Variants in DTWD2 observed in about 807,000 individuals in gnomAD.
DTWD2 encodes DTW motif tRNA-uridine aminocarboxypropyltransferase 2, also known as tRNA-uridine aminocarboxypropyltransferase 2.
DTWD2 carries 39 observed loss-of-function variants against 31.8 expected under a neutral mutation model. The ratio of observed to expected loss-of-function variants is 1.22; its 90% CI spans 0.95 to 1.60. The LOEUF (loss-of-function observed/expected upper bound fraction) is 1.60. DTWD2 is among the 40% of genes most tolerant of loss of function. The pLI is 0.00. For missense variants in DTWD2, 515 were observed against 381.5 expected (o/e 1.35, Z -2.92); for synonymous variants, 180 against 142.8 (o/e 1.26, Z -1.86).
rs185392445 is a variant in DTWD2, at chr5:118,920,312, G to C, written c.597+8225C>G. Among the ~76,000 whole-genome samples the C allele has an allele frequency of 8.6e-5, 13 of 151,906 alleles. No individual in the cohort carries two copies. In the East Asian group the frequency reaches 2.5e-3, roughly 29 times the overall value. On this transcript the variant is annotated intron_variant, in intron 4 of 5. Transcript: ENST00000510708. ...ATCCTGTTTCTTTTTTTAAAAAAGA[G>C]ATAAAGAATACTATATCTGTGATAT...
At chr5:118,965,020 G>C (rs1193440246) in intron 1 of DTWD2, among the ~76,000 whole-genome samples, 1 of 146,062 alleles carries the variant, frequency 6.8e-6, no homozygotes, top group Non-Finnish European at 1.5e-5. Flanking sequence ...GCCGCCCATC[G>C]TCTGAGATGT....
rs141779144 is a variant in DTWD2, at chr5:118,906,286, G to T, written c.597+22251C>A. Among the ~76,000 whole-genome samples the T allele has an allele frequency of 8.9e-3, 1,361 of 152,236 alleles. 12 individuals are homozygous for T. Among genetic ancestry groups the T allele is most frequent in the South Asian group, 0.026 (126 of 4,822 alleles). ...AATACTACAGCCATTTTGGAAAACA[G>T]TTTGGTTTGTTAAAGTTTAAAATGC... is the stretch of plus-strand genomic sequence containing the variant. On this transcript the variant is annotated intron_variant, in intron 4 of 5. Coordinates refer to ENST00000510708, the MANE Select transcript of DTWD2 (RefSeq NM_173666.4).
At chr5:118,952,988 T>C (rs1322546152) in intron 1 of DTWD2, among the ~76,000 whole-genome samples, 1 of 152,228 alleles carries the variant, frequency 6.6e-6, no homozygotes, top group Non-Finnish European at 1.5e-5. Flanking sequence ...CTCTCACTTC[T>C]AGATGATGAA....
At chr5:118,896,339 A>G (rs1265737658) in intron 4 of DTWD2, among the ~76,000 whole-genome samples, 1 of 152,204 alleles carries the variant, frequency 6.6e-6, no homozygotes, top group Non-Finnish European at 1.5e-5. Flanking sequence ...CTGGAGAATA[A>G]AAATTATAGT....
At chr5:118,883,796 A>G (rs532321771) in intron 4 of DTWD2, among the ~76,000 whole-genome samples, 1 of 152,318 alleles carries the variant, frequency 6.6e-6, no homozygotes, top group Admixed American at 6.5e-5. Flanking sequence ...TGGAGATGAG[A>G]TTTGGGTGGA....
chr5:118,943,954 G>C (rs1282858469), intron 2 of DTWD2, among the ~76,000 whole-genome samples: 3 of 152,166 alleles, frequency 2.0e-5, no homozygotes, highest in African/African-American at 7.2e-5. Flanking sequence ...AGTATGCATT[G>C]AGTAGCTTTG....
At chr5:118,938,050 C>A (rs1754084445) in intron 3 of DTWD2, among the ~76,000 whole-genome samples, 1 of 152,114 alleles carries the variant, frequency 6.6e-6, no homozygotes, top group Non-Finnish European at 1.5e-5. Flanking sequence ...ATAAATATAA[C>A]TTTTATCTAT....
intron 4 of DTWD2, among the ~76,000 whole-genome samples, chr5:118,889,522 G>A (rs920949981): frequency 9.9e-5 from 15 of 151,886 alleles, no homozygotes; most frequent in Admixed American, 2.0e-4. Context: ...TATCTAACAC[G>A]GGGGGATATG....
chr5:118,966,886 C>A (rs961434354), intron 1 of DTWD2, among the ~76,000 whole-genome samples: 12 of 151,912 alleles, frequency 7.9e-5, no homozygotes, highest in Non-Finnish European at 1.5e-4. Flanking sequence ...AAAAATTAGC[C>A]AGGCACGGTG....
intron 1 of DTWD2, among the ~76,000 whole-genome samples, chr5:118,945,846 T>C (rs58306431): frequency 0.062 from 9,288 of 149,946 alleles, 989 homozygotes; most frequent in African/African-American, 0.21. Flanking sequence ...GATATGGGAG[T>C]AAATTTTTCA....
intron 4 of DTWD2, among the ~76,000 whole-genome samples, chr5:118,904,887 C>A (rs1753293359): frequency 6.6e-6 from 1 of 152,036 alleles, no homozygotes; most frequent in Non-Finnish European, 1.5e-5. Flanking sequence ...TAAACTGAGC[C>A]AAGGAGCTAC....
chr5:118,876,742 T>C (rs1311651900), intron 4 of DTWD2, among the ~76,000 whole-genome samples: 2 of 152,064 alleles, frequency 1.3e-5, no homozygotes, highest in South Asian at 2.1e-4. Flanking sequence ...ATAAATAGCC[T>C]ACCAACCAAA....
Position 118,928,593 on chromosome 5 carries a change from AT to A in DTWD2, c.540del (p.Trp181GlyfsTer22). Reference sequence around the variant, plus strand: ...TAGAAAATGTCCTTAGCCTGGCTCCATGTACCATCAATGATGATGATTGTAG... The same window carrying A: ...TAGAAAATGTCCTTAGCCTGGCTCCAGTACCATCAATGATGATGATTGTAG... ...YPSTIIIIDGTWSQAKDIFYK... is the reference protein window; with the variant it reads ...YPSTIIIIDGXWSQAKDIFYK... On this transcript the variant is annotated frameshift_variant, in exon 4 of 6. Transcript: ENST00000510708. LOFTEE classifies it high-confidence loss of function. 1.3e-6 allele frequency: 2 copies of A among 1,590,812 alleles called. No individual in the cohort carries two copies. The highest frequency in any genetic ancestry group is 1.7e-6 in the Non-Finnish European group (2 of 1,168,734).
chr5:118,905,420 G>C (rs1352871619), intron 4 of DTWD2, among the ~76,000 whole-genome samples: 1 of 152,084 alleles, frequency 6.6e-6, no homozygotes, highest in Non-Finnish European at 1.5e-5. Context: ...AAGAGGGCCT[G>C]TCCTGATAAG....
At chr5:118,968,165 T>C (rs1282484378) in intron 1 of DTWD2, among the ~76,000 whole-genome samples, 1 of 150,068 alleles carries the variant, frequency 6.7e-6, no homozygotes, top group Non-Finnish European at 1.5e-5. Flanking sequence ...ACAAAATAAC[T>C]GACCAGTATT....
At chr5:118,924,118 G>C (rs1035938764) in intron 4 of DTWD2, among the ~76,000 whole-genome samples, 2 of 152,182 alleles carry the variant, frequency 1.3e-5, no homozygotes, top group Non-Finnish European at 2.9e-5. Context: ...GCAGAGGGCA[G>C]ACCAACAGAC....
rs759262703 is a variant in DTWD2 at position 118,928,698 on chromosome 5, A to C, written c.436T>G (p.Ser146Ala). Residue 146 changes from serine (S) to alanine (A), a missense_variant, in exon 4 of 6, where the codon TCT becomes GCT. Ser to Ala is a moderately conservative substitution (Grantham distance 99, BLOSUM62 1). Transcript: ENST00000510708. ...CCTGGATATAATATTAATGTACCAG[A>C]CTTCCGGCAAACAGTTGAAAGTTCA... ...DPELSTVCRK[S>A]GTLILYPGAE... The C allele has an allele frequency of 6.3e-7, 1 of 1,577,608 alleles. No individual in the cohort carries two copies. The highest frequency in any genetic ancestry group is 1.8e-5 in the Admixed American group (1 of 55,718).
At chr5:118,976,231 G>C (rs1406451203) in intron 1 of DTWD2, among the ~76,000 whole-genome samples, 1 of 152,196 alleles carries the variant, frequency 6.6e-6, no homozygotes, top group African/African-American at 2.4e-5. Context: ...GCCCACAGGA[G>C]AAAGTGGGAA....
chr5:118,939,752 A>T lies in DTWD2; in HGVS notation c.310-462T>A, dbSNP rs551431103. ...CATAGCCTCTTTACTTAAATTAAAA[A>T]TTTTTTTAAAAAAGAAAACAAAACA... On this transcript the variant is annotated intron_variant, in intron 2 of 5. Coordinates refer to ENST00000510708, the MANE Select transcript of DTWD2 (RefSeq NM_173666.4). Among the ~76,000 whole-genome samples, 27 of 152,250 alleles carry T rather than the reference A, an allele frequency of 1.8e-4. No individual in the cohort carries two copies. The South Asian group carries it at 3.5e-3, about 20-fold the overall frequency.
Sources: allele counts gnomAD v4.1 joint callset (sites outside exome capture counted in the v4.1 genomes callset), GRCh38; gene constraint gnomAD v4.1.1; transcripts MANE v1.5; gene names NCBI Gene and HGNC (gene_info 2026-07-23, HGNC 2026-07-21).